The following CCDC148 variants were observed in gnomAD, a reference collection of about 807,000 sequenced individuals.
The protein encoded by CCDC148 is coiled-coil domain containing 148, also known as coiled-coil domain-containing protein 148.
In CCDC148, 89 loss-of-function variants were observed where a neutral mutation model predicts 85.7. The observed-to-expected ratio is 1.04, with a 90% CI of 0.87 to 1.24. The LOEUF is 1.24. CCDC148 is among the 50% of genes most tolerant of loss of function. The probability of loss-of-function intolerance (pLI) is 0.00; values close to 1 mark genes in which losing one functional copy is unlikely to be tolerated. For missense variants in CCDC148, 692 were observed against 671.7 expected, an observed-to-expected ratio of 1.03 and a Z score of -0.33; for synonymous variants, 230 against 213.9, an observed-to-expected ratio of 1.08 and a Z score of -0.66.
At chr2:158,221,793 C>T (rs1687197849) in intron 10 of CCDC148, among the ~76,000 whole-genome samples, 1 of 151,974 alleles carries the variant, frequency 6.6e-6, no homozygotes, top group Non-Finnish European at 1.5e-5. Flanking sequence ...ATTAAATAAG[C>T]CCAATGTGCA....
chr2:158,315,044 A>T (rs1410380701), intron 7 of CCDC148, among the ~76,000 whole-genome samples: 1 of 152,194 alleles, frequency 6.6e-6, no homozygotes, highest in Non-Finnish European at 1.5e-5. Flanking sequence ...CTGTTTCATA[A>T]TAGGGGGAAA....
At chr2:158,211,349 C>T (rs571291363) in intron 11 of CCDC148, among the ~76,000 whole-genome samples, 7 of 152,146 alleles carry the variant, frequency 4.6e-5, no homozygotes, top group Non-Finnish European at 7.3e-5. Context: ...TTCGGAATTA[C>T]AGCATCTGTG....
chr2:158,339,972 G>A (rs1448267813), intron 5 of CCDC148, among the ~76,000 whole-genome samples: 1 of 152,196 alleles, frequency 6.6e-6, no homozygotes, highest in Non-Finnish European at 1.5e-5. Context: ...ATCCCAGGAT[G>A]CATTGGGAGG....
intron 9 of CCDC148, among the ~76,000 whole-genome samples, chr2:158,289,758 A>T (rs1476581504): frequency 6.6e-6 from 1 of 152,198 alleles, no homozygotes; most frequent in Non-Finnish European, 1.5e-5. Context: ...ACACATATAA[A>T]AACATTTATT....
At chr2:158,398,852 A>T (rs1685646277) in intron 1 of CCDC148, among the ~76,000 whole-genome samples, 1 of 152,160 alleles carries the variant, frequency 6.6e-6, no homozygotes, top group Non-Finnish European at 1.5e-5. Context: ...TTTTTTGAAA[A>T]GATCAACAAA....
chr2:158,443,515 A>AAAGAAAAAGAAAAG lies in CCDC148; in HGVS notation c.25+12899_25+12900insCTTTTCTTTTTCTT, dbSNP rs1553524476. 6.6e-4 allele frequency among the ~76,000 whole-genome samples: 67 copies of AAAGAAAAAGAAAAG among 100,906 alleles called. 1 individual carries two copies. In the South Asian group the frequency reaches 7.6e-3, roughly 11 times the overall value. 66.2% of individuals were successfully genotyped at this position (100,906 alleles called of 152,430 possible). A position where few individuals can be genotyped will look rare whatever the true frequency, so the allele number is the denominator to read the frequency against. ...CAAGTCTATCTCAAAAAAAAAAAAA[A>AAAGAAAAAGAAAAG]AAAAAAAAGAAAAGGAAAAAAAGTG... On this transcript the variant is annotated intron_variant, in intron 1 of 13. Transcript: ENST00000283233.
chr2:158,408,758 A>AAT (rs908207964), intron 1 of CCDC148, among the ~76,000 whole-genome samples: 26 of 151,850 alleles, frequency 1.7e-4, no homozygotes, highest in African/African-American at 5.1e-4. Context: ...ATATTTTTTG[A>AAT]ATATATATAT....
intron 7 of CCDC148, among the ~76,000 whole-genome samples, chr2:158,329,210 T>C (rs893861710): frequency 1.3e-5 from 2 of 152,202 alleles, no homozygotes; most frequent in Admixed American, 1.3e-4. Flanking sequence ...AAGGAAGGGA[T>C]CCAGTTTCAG....
intron 9 of CCDC148, among the ~76,000 whole-genome samples, chr2:158,305,545 A>C (rs1361707983): frequency 6.6e-6 from 1 of 152,106 alleles, no homozygotes; most frequent in Non-Finnish European, 1.5e-5. Flanking sequence ...CAGAAGCTCA[A>C]GACCAGCCTG....
chr2:158,293,832 A>G (rs888240696), intron 9 of CCDC148, among the ~76,000 whole-genome samples: 2 of 152,170 alleles, frequency 1.3e-5, no homozygotes, highest in African/African-American at 2.4e-5. Context: ...TTGGCTGGGC[A>G]TCAACTACCT....
intron 2 of CCDC148, among the ~76,000 whole-genome samples, 162 bp downstream of exon 2, chr2:158,358,287 G>C (rs554477127): frequency 6.6e-6 from 1 of 152,278 alleles, no homozygotes; most frequent in South Asian, 2.1e-4. Flanking sequence ...AATGGTGTCC[G>C]AGAGCATTCG....
intron 1 of CCDC148, among the ~76,000 whole-genome samples, chr2:158,394,575 C>T (rs1357867245): frequency 1.3e-5 from 2 of 151,870 alleles, no homozygotes; most frequent in Non-Finnish European, 2.9e-5. Flanking sequence ...ACTGAATCAC[C>T]CTGAATTCTT....
intron 1 of CCDC148, among the ~76,000 whole-genome samples, chr2:158,435,774 G>A (rs1422001710): frequency 6.6e-6 from 1 of 152,086 alleles, no homozygotes; most frequent in African/African-American, 2.4e-5. Context: ...ATAAAGGGAT[G>A]GAGGAAGATC....
chr2:158,342,609 A>G (rs575642702), intron 3 of CCDC148, among the ~76,000 whole-genome samples: 18 of 152,316 alleles, frequency 1.2e-4, no homozygotes, highest in Admixed American at 1.2e-3. Context: ...AGATATGGGT[A>G]ATTTTTGATG....
At chr2:158,321,185 TA>T (rs1173140522) in intron 7 of CCDC148, among the ~76,000 whole-genome samples, 2 of 152,102 alleles carry the variant, frequency 1.3e-5, no homozygotes, top group Non-Finnish European at 2.9e-5. Context: ...AGGAAGAGTA[TA>T]AAACCATAAA....
intron 1 of CCDC148, among the ~76,000 whole-genome samples, chr2:158,453,646 C>T (rs1202351029): frequency 2.6e-5 from 4 of 152,332 alleles, no homozygotes; most frequent in Admixed American, 2.6e-4. Context: ...CCTGCTTCCT[C>T]CTATTCCTTG....
chr2:158,393,168 T>G (rs555379219), intron 1 of CCDC148: 1 of 152,040 alleles, frequency 6.6e-6, no homozygotes, highest in Admixed American at 6.6e-5. Context: ...CCTGGAATAA[T>G]AGGGGAACTG....
intron 9 of CCDC148, among the ~76,000 whole-genome samples, chr2:158,266,325 C>A (rs1033442170): frequency 6.6e-6 from 1 of 152,136 alleles, no homozygotes; most frequent in Non-Finnish European, 1.5e-5. Context: ...GCTGCTTTGA[C>A]TCCAGCCAGT....
At chr2:158,173,995 T>C (rs1054575797) in intron 13 of CCDC148, among the ~76,000 whole-genome samples, 4 of 152,084 alleles carry the variant, frequency 2.6e-5, no homozygotes, top group Admixed American at 1.3e-4. Flanking sequence ...CAGTTTCTTG[T>C]AAATATGTAC....
Sources: allele counts gnomAD v4.1 joint callset (sites outside exome capture counted in the v4.1 genomes callset), GRCh38; gene constraint gnomAD v4.1.1; transcripts MANE v1.5; gene names NCBI Gene and HGNC (gene_info 2026-07-23, HGNC 2026-07-21).